The following AARS2 variants were observed in gnomAD, a reference collection of about 807,000 sequenced individuals.
The protein encoded by AARS2 is alanyl-tRNA synthetase 2, mitochondrial.
A neutral mutation model predicts 119.7 loss-of-function variants in AARS2; 78 were observed. That is an observed-to-expected ratio of 0.65 (90% CI 0.54 to 0.79). The LOEUF (loss-of-function observed/expected upper bound fraction) is 0.79. Ranked by LOEUF, AARS2 falls within the 30% of genes least tolerant of loss-of-function variation. The pLI, the probability that AARS2 is intolerant of heterozygous loss-of-function variation, is 0.00. For missense variants in AARS2, 1,157 were observed against 1,291.3 expected (o/e 0.90, Z 1.59); for synonymous variants, 502 against 526.3 (o/e 0.95, Z 0.63).
At position 44,306,972 on chromosome 6, in the gene AARS2, G is replaced by A; in HGVS notation, c.1100C>T (p.Ala367Val). 5.6e-6 allele frequency: 9 copies of A among 1,614,104 alleles called. No individual in the cohort carries two copies. Among genetic ancestry groups the A allele is most frequent in the Non-Finnish European group, 7.6e-6 (9 of 1,179,984 alleles). The stretch of plus-strand genomic sequence containing the variant: ...CAGGCTGCCTAGGAAGCCAGGTGGT[G>A]CCTTTAAGATCTCCATGGAGAAACG... ...AVRFSMEILK[A>V]PPGFLGSLVP... The change falls in exon 7 of 22, where the codon GCA becomes GTA. Residue 367 changes from alanine to valine, a missense_variant. By Grantham distance (64) the Ala-to-Val change is moderately conservative (BLOSUM62 0). Transcript: ENST00000244571.
chr6:44,310,496 G>C, intron 4 of AARS2, 53 bp from the exon 5 acceptor site: 1 of 1,606,180 alleles, frequency 6.2e-7, no homozygotes, highest in Non-Finnish European at 8.5e-7. Flanking sequence ...ACAGGTGTGA[G>C]ACAGATGCCC....
At position 44,299,875 on chromosome 6, in the gene AARS2, TG is replaced by T. The variant is rs1483276602; in HGVS notation, c.*671del. 1 of 152,916 alleles carries T rather than the reference TG, an allele frequency of 6.5e-6. No homozygotes were observed. The highest frequency in any genetic ancestry group is 1.5e-5 in the Non-Finnish European group (1 of 68,660). The allele number at this position is 152,916 out of a possible 1,614,324, so 9.5% of individuals were successfully genotyped here. A position where few individuals can be genotyped will look rare whatever the true frequency, so the allele number is the denominator to read the frequency against. On this transcript the variant is annotated 3_prime_UTR_variant, in exon 22 of 22. Coordinates refer to ENST00000244571, the MANE Select transcript of AARS2 (RefSeq NM_020745.4). The stretch of plus-strand genomic sequence containing the variant: ...AATGAAGATGGCCCGATTTGGATCC[TG>T]GGTGGCCTTTCAGACAGTGTGAGTT...
intron 5 of AARS2, among the ~76,000 whole-genome samples, chr6:44,308,126 C>T (rs910030372): frequency 2.6e-5 from 4 of 152,190 alleles, no homozygotes; most frequent in African/African-American, 7.2e-5. Context: ...TGCTATTATC[C>T]GAAGCATGCC....
Position 44,307,096 on chromosome 6 carries a change from G to C in AARS2, c.1041-65C>G, listed in dbSNP as rs1295285623. The C allele has an allele frequency of 6.3e-7, 1 of 1,598,366 alleles. No homozygotes were observed. Among genetic ancestry groups the C allele is most frequent in the African/African-American group, 1.3e-5 (1 of 74,474 alleles). On this transcript the variant is annotated intron_variant, in intron 6 of 21. Coordinates refer to ENST00000244571, the MANE Select transcript of AARS2 (RefSeq NM_020745.4). The surrounding 1 kb of genome is among the most constrained non-coding windows in gnomAD (Gnocchi z 4.4). Reference sequence around the variant, plus strand: ...TCATGGTCAGCAATATGGGGAGTGGGAAGGACGAGGTCCAGTGTGTGCTCC... The same window carrying C: ...TCATGGTCAGCAATATGGGGAGTGGCAAGGACGAGGTCCAGTGTGTGCTCC...
rs527281365 is a variant in AARS2, at chr6:44,299,502, C to G, written c.*1045G>C. Among the ~76,000 whole-genome samples, 3 of 151,452 alleles carry G rather than the reference C, an allele frequency of 2.0e-5. No individual in the cohort carries two copies. The highest frequency in any genetic ancestry group is 2.9e-5 in the Non-Finnish European group (2 of 67,898). Reference sequence around the variant, plus strand: ...CTGGTCTTGCACTTCTGGCCTCAAGCGATTCTCCAACCTCAGCCTCCTAAA... The same window carrying G: ...CTGGTCTTGCACTTCTGGCCTCAAGGGATTCTCCAACCTCAGCCTCCTAAA... On this transcript the variant is annotated 3_prime_UTR_variant, in exon 22 of 22. Transcript: ENST00000244571.
intron 7 of AARS2, 80 bp downstream of exon 7, chr6:44,306,842 TG>T: frequency 3.7e-6 from 5 of 1,353,568 alleles, no homozygotes; most frequent in African/African-American, 1.4e-5. Flanking sequence ...GCACCCAGGC[TG>T]GGGGCACTGT....
chr6:44,300,561 G>A lies in AARS2; in HGVS notation c.2944C>T (p.Leu982Phe). The change falls in exon 22 of 22, where the codon CTC (leucine) becomes TTC (phenylalanine). Residue 982 changes from leucine (L) to phenylalanine (F), a missense_variant. Coordinates refer to ENST00000244571, the MANE Select transcript of AARS2 (RefSeq NM_020745.4). The part of the protein sequence containing the change: ...AALSIAQTYA[L>F]SQL Reference sequence around the variant, plus strand: ...GCGGACCTGGGTCAGAGCTGGCTGAGGGCATAGGTTTGGGCTATACTGAGG... The same window carrying A: ...GCGGACCTGGGTCAGAGCTGGCTGAAGGCATAGGTTTGGGCTATACTGAGG... 6.2e-7 allele frequency: 1 copy of A among 1,614,064 alleles called. No individual in the cohort carries two copies.
chr6:44,307,648 T>A lies in AARS2; in HGVS notation c.895-254A>T. On this transcript the variant is annotated intron_variant, in intron 5 of 21. Coordinates refer to ENST00000244571, the MANE Select transcript of AARS2 (RefSeq NM_020745.4). This position sits in a 1 kb window ranked among gnomAD's most constrained non-coding sequence, Gnocchi z 4.4. ...ATTTCTACTATCAGAACTGGGTGAG[T>A]ACTTGAACAACATGGCCTCGAATCC... is the stretch of plus-strand genomic sequence containing the variant. The A allele has an allele frequency of 1.7e-6, 1 of 572,270 alleles. No homozygotes were observed. Among genetic ancestry groups the A allele is most frequent in the East Asian group, 2.9e-5 (1 of 34,060 alleles). The allele number at this position is 572,270 out of a possible 1,614,324, so 35.4% of individuals were successfully genotyped here.
At chr6:44,312,942 A>G (rs897840429) in intron 1 of AARS2, 139 bp downstream of exon 1, 3 of 1,339,354 alleles carry the variant, frequency 2.2e-6, no homozygotes, top group Non-Finnish European at 3.1e-6. Flanking sequence ...TACCCCCATC[A>G]CTTTACCCAA....
At position 44,312,069 on chromosome 6, in the gene AARS2, C is replaced by G; in HGVS notation, c.435+3G>C. On this transcript the variant is annotated splice_donor_region_variant and intron_variant, in intron 2 of 21. Transcript: ENST00000244571. ...GGCTGATCACTGATCCCCAGAGACTCACCTTAAAATATTCACCCCCAAAGG... is the reference window on the plus strand; with the variant it reads ...GGCTGATCACTGATCCCCAGAGACTGACCTTAAAATATTCACCCCCAAAGG... 1 of 1,613,994 alleles carries G rather than the reference C, an allele frequency of 6.2e-7. No individual in the cohort carries two copies. Among genetic ancestry groups the G allele is most frequent in the Non-Finnish European group, 8.5e-7 (1 of 1,179,880 alleles).
At chr6:44,302,582 C>A in intron 17 of AARS2, 69 bp from the exon 18 acceptor site, 1 of 1,607,170 alleles carries the variant, frequency 6.2e-7, no homozygotes, top group South Asian at 1.1e-5. Context: ...CAACTCATTA[C>A]TGGTCAGGGA....
Position 44,301,172 on chromosome 6 carries a change from G to T in AARS2, c.2777C>A (p.Ala926Asp). ...SPQPMGKVLC[A>D]CQVAQGAMPT... The stretch of plus-strand genomic sequence containing the variant: ...TTCCCTCACCTGGGCCACCTGACAG[G>T]CACACAGCACCTTCCCCATGGGCTG... Residue 926 changes from alanine to aspartate, a missense_variant, in exon 21 of 22, where the codon GCC (alanine) becomes GAC (aspartate). By Grantham distance (126) the Ala-to-Asp change is moderately radical. Coordinates refer to ENST00000244571, the MANE Select transcript of AARS2 (RefSeq NM_020745.4). 6.2e-7 allele frequency: 1 copy of T among 1,613,428 alleles called. No individual in the cohort carries two copies.
Position 44,302,596 on chromosome 6 carries a change from A to G in AARS2, c.2365-83T>C, listed in dbSNP as rs144105036. 3.5e-4 allele frequency: 556 copies of G among 1,599,772 alleles called. 2 individuals are homozygous for G. In the African/African-American group the frequency reaches 6.1e-3, roughly 18 times the overall value. On this transcript the variant is annotated intron_variant, in intron 17 of 21. Transcript: ENST00000244571. ...TCAACTCATTACTGGTCAGGGACAA[A>G]TAAGATTTAACAATCAGGACCAATC...
chr6:44,307,605 T>C lies in AARS2; in HGVS notation c.895-211A>G, dbSNP rs1785977391. ...ATATTTGGTGCTACAAGTGAACATA[T>C]CTGTGACCATTTACTGAATTTCTAC... On this transcript the variant is annotated intron_variant, in intron 5 of 21. Coordinates refer to ENST00000244571, the MANE Select transcript of AARS2 (RefSeq NM_020745.4). This position sits in a 1 kb window ranked among gnomAD's most constrained non-coding sequence, Gnocchi z 4.4. The C allele has an allele frequency of 3.2e-6, 2 of 625,570 alleles. No homozygotes were observed. The highest frequency in any genetic ancestry group is 5.6e-6 in the Non-Finnish European group (2 of 359,820). The allele number at this position is 625,570 out of a possible 1,614,324, so 38.8% of individuals were successfully genotyped here.
intron 7 of AARS2, 48 bp downstream of exon 7, chr6:44,306,875 C>A (rs778207546): frequency 1.9e-6 from 3 of 1,576,730 alleles, no homozygotes; most frequent in Non-Finnish European, 1.7e-6. Flanking sequence ...GGTAGGCTCC[C>A]CAAAGTGCCC....
Position 44,311,138 on chromosome 6 carries a change from G to A in AARS2, c.605C>T (p.Ser202Phe), listed in dbSNP as rs1786314196. 1 of 1,614,144 alleles carries A rather than the reference G, an allele frequency of 6.2e-7. No individual in the cohort carries two copies. The highest frequency in any genetic ancestry group is 8.5e-7 in the Non-Finnish European group (1 of 1,180,054). The change falls in exon 4 of 22, where the codon TCC becomes TTC. Residue 202 changes from serine to phenylalanine, a missense_variant. Transcript: ENST00000244571. ...CCAGAAGTTCTCTTGTGGTCCAAAGGAAAGCACACGGCTAGCAGGCACCCT... is the reference window on the plus strand; with the variant it reads ...CCAGAAGTTCTCTTGTGGTCCAAAGAAAAGCACACGGCTAGCAGGCACCCT... ...SLGVPASRVLSFGPQENFWEM... is the reference protein window; with the variant it reads ...SLGVPASRVLFFGPQENFWEM...
chr6:44,310,880 C>A (rs570651452), intron 4 of AARS2, 114 bp downstream of exon 4: 2 of 1,363,490 alleles, frequency 1.5e-6, no homozygotes, highest in East Asian at 2.3e-5. Context: ...GTGCCTGACA[C>A]ACGGTAAGCA....
chr6:44,304,298 C>T lies in AARS2; in HGVS notation c.1890G>A (p.Ala630=), dbSNP rs757968286. The change falls in exon 14 of 22, where the codon GCG becomes GCA. Residue 630 remains alanine (A), a synonymous_variant. Coordinates refer to ENST00000244571, the MANE Select transcript of AARS2 (RefSeq NM_020745.4). ...VDEAWRLGCM[A]KHTATHLLNW... ...TCAGCAGGTGGGTGGCCGTATGCTT[C>T]GCCATGCAGCCTAGACGCCAGGCCT... 60 of 1,614,088 alleles carry T rather than the reference C, an allele frequency of 3.7e-5. No individual in the cohort carries two copies. Among genetic ancestry groups the T allele is most frequent in the Non-Finnish European group, 4.3e-5 (51 of 1,180,044 alleles).
At chr6:44,309,067 A>G (rs1786124073) in intron 5 of AARS2, among the ~76,000 whole-genome samples, 1 of 152,294 alleles carries the variant, frequency 6.6e-6, no homozygotes, top group South Asian at 2.1e-4. Context: ...CCATCAAGGG[A>G]CAGAATCCAT....
Sources: allele counts gnomAD v4.1 joint callset (sites outside exome capture counted in the v4.1 genomes callset), GRCh38; gene constraint gnomAD v4.1.1; non-coding constraint Gnocchi (gnomAD v3.1); transcripts MANE v1.5; gene names NCBI Gene and HGNC (gene_info 2026-07-23, HGNC 2026-07-21).